The following ABCB5 variants were observed in gnomAD, a reference collection of about 807,000 sequenced individuals.
ABCB5 encodes the protein ATP-binding cassette sub-family B member 5.
A neutral mutation model predicts 144.2 loss-of-function variants in ABCB5; 155 were observed. That is an observed-to-expected ratio of 1.08 (90% CI 0.94 to 1.23). The LOEUF (loss-of-function observed/expected upper bound fraction) is 1.23, where lower values mean the gene tolerates loss of function less well. Ranked by LOEUF, ABCB5 falls within the 50% of genes most tolerant of loss-of-function variation. ABCB5 has a pLI of 0.00. For missense variants in ABCB5, 1,830 were observed against 1,520.8 expected (o/e 1.20, Z -3.38); for synonymous variants, 610 against 528.6 (o/e 1.15, Z -2.11).
At chr7:20,669,944 T>G (rs1269229657) in intron 14 of ABCB5, among the ~76,000 whole-genome samples, 1 of 152,136 alleles carries the variant, frequency 6.6e-6, no homozygotes, top group Non-Finnish European at 1.5e-5. Flanking sequence ...AGAATAGAAT[T>G]CAAACTTGAA....
At chr7:20,668,985 G>GT (rs1785348235) in intron 14 of ABCB5, among the ~76,000 whole-genome samples, 1 of 51,908 alleles carries the variant, frequency 1.9e-5, no homozygotes, top group Non-Finnish European at 4.2e-5. Context: ...GGGGGGGTCA[G>GT]CCCCCCGCCC....
intron 20 of ABCB5, among the ~76,000 whole-genome samples, chr7:20,719,102 G>A (rs1186137128): frequency 6.6e-6 from 1 of 152,130 alleles, no homozygotes; most frequent in Admixed American, 6.6e-5. Flanking sequence ...ATGTGTATAA[G>A]TATTTATGTC....
intron 13 of ABCB5, among the ~76,000 whole-genome samples, chr7:20,657,830 A>T (rs763966054): frequency 5.9e-5 from 9 of 152,240 alleles, no homozygotes; most frequent in Non-Finnish European, 1.0e-4. Flanking sequence ...TTAAGGGTTT[A>T]GAAAGAATAT....
chr7:20,703,810 T>G (rs1425770842), intron 19 of ABCB5, among the ~76,000 whole-genome samples: 1 of 152,196 alleles, frequency 6.6e-6, no homozygotes, highest in East Asian at 1.9e-4. Context: ...ATAAAATTGG[T>G]TATTACATTA....
Position 20,651,552 on chromosome 7 carries a change from G to C in ABCB5, c.1465G>C (p.Val489Leu), listed in dbSNP as rs1784589461. The C allele has an allele frequency of 1.9e-6, 3 of 1,614,114 alleles. No individual in the cohort carries two copies. The highest frequency in any genetic ancestry group is 3.3e-5 in the Admixed American group (2 of 60,012). Residue 489 changes from valine (V) to leucine (L), a missense_variant, in exon 13 of 28, where the codon GTG becomes CTG. Coordinates refer to ENST00000404938, the MANE Select transcript of ABCB5 (RefSeq NM_001163941.2). ...CAATATCAAGTATGGACGAGATGAT[G>C]TGACTGATGAAGAGATGGAGAGAGC... ...SNNIKYGRDD[V>L]TDEEMERAAR...
intron 20 of ABCB5, among the ~76,000 whole-genome samples, chr7:20,714,478 C>T (rs1165767770): frequency 1.3e-5 from 2 of 151,952 alleles, no homozygotes; most frequent in Non-Finnish European, 2.9e-5. Flanking sequence ...GACCACATTC[C>T]GTTTTCCTTC....
chr7:20,672,349 A>G (rs1421183065), intron 14 of ABCB5, among the ~76,000 whole-genome samples: 1 of 151,698 alleles, frequency 6.6e-6, no homozygotes, highest in African/African-American at 2.4e-5. Flanking sequence ...TCTTTTACAA[A>G]TCAAGGTTTT....
At chr7:20,617,824 T>A (rs1355176885) in intron 1 of ABCB5, among the ~76,000 whole-genome samples, 1 of 152,206 alleles carries the variant, frequency 6.6e-6, no homozygotes, top group African/African-American at 2.4e-5. Flanking sequence ...TATAGTAATA[T>A]CCAGACAAGT....
intron 14 of ABCB5, among the ~76,000 whole-genome samples, chr7:20,662,275 C>T (rs1467033283): frequency 6.6e-6 from 1 of 152,188 alleles, no homozygotes; most frequent in South Asian, 2.1e-4. Flanking sequence ...CTCACGGGCA[C>T]GTCTTAACCA....
chr7:20,722,177 T>C (rs1187779611), intron 20 of ABCB5, among the ~76,000 whole-genome samples: 1 of 152,238 alleles, frequency 6.6e-6, no homozygotes, highest in East Asian at 1.9e-4. Context: ...ACCAAGAACT[T>C]ATCTGTAAGT....
intron 14 of ABCB5, among the ~76,000 whole-genome samples, chr7:20,666,176 A>AG (rs1484795659): frequency 6.6e-6 from 1 of 151,878 alleles, no homozygotes; most frequent in East Asian, 1.9e-4. Context: ...GTCTCAAAAA[A>AG]AAAAAAAAAA....
intron 14 of ABCB5, chr7:20,667,510 G>C: frequency 2.0e-6 from 2 of 979,970 alleles, no homozygotes; most frequent in South Asian, 9.5e-5. Context: ...AGACTGTGAC[G>C]TGTTAATGCT....
chr7:20,712,637 T>G (rs1392585531), intron 20 of ABCB5, among the ~76,000 whole-genome samples: 1 of 149,630 alleles, frequency 6.7e-6, no homozygotes, highest in Admixed American at 6.7e-5. Context: ...ATATTTAATC[T>G]GCTATTGATC....
chr7:20,632,926 G>C (rs1165201351), intron 5 of ABCB5, among the ~76,000 whole-genome samples: 3 of 151,488 alleles, frequency 2.0e-5, no homozygotes, highest in Non-Finnish European at 4.4e-5. Flanking sequence ...ACGAGTTAGT[G>C]GGTGCAGCGC....
At chr7:20,681,202 C>T (rs1436892140) in intron 14 of ABCB5, among the ~76,000 whole-genome samples, 2 of 151,706 alleles carry the variant, frequency 1.3e-5, no homozygotes, top group African/African-American at 4.9e-5. Context: ...CCTTGGCTCA[C>T]TGCAACCTCT....
chr7:20,718,565 T>C (rs1781762749), intron 20 of ABCB5, among the ~76,000 whole-genome samples: 2 of 152,132 alleles, frequency 1.3e-5, no homozygotes, highest in Non-Finnish European at 2.9e-5. Context: ...CCAGATACAG[T>C]CTTGAAACTG....
chr7:20,711,199 A>T (rs1415127734), intron 20 of ABCB5, among the ~76,000 whole-genome samples: 1 of 149,710 alleles, frequency 6.7e-6, no homozygotes, highest in East Asian at 2.0e-4. Context: ...TTTTAAATAA[A>T]TATGTAAAGT....
At chr7:20,729,091 C>A (rs1039643049) in intron 23 of ABCB5, among the ~76,000 whole-genome samples, 3 of 151,954 alleles carry the variant, frequency 2.0e-5, no homozygotes, top group African/African-American at 7.3e-5. Flanking sequence ...TTATGGGGTA[C>A]AATGGGATGT....
intron 13 of ABCB5, among the ~76,000 whole-genome samples, chr7:20,656,473 A>T (rs1031102283): frequency 5.3e-5 from 8 of 152,252 alleles, no homozygotes; most frequent in Non-Finnish European, 1.2e-4. Context: ...GACATTTTAC[A>T]AAAGAAGAAT....
Sources: allele counts gnomAD v4.1 joint callset (sites outside exome capture counted in the v4.1 genomes callset), GRCh38; gene constraint gnomAD v4.1.1; transcripts MANE v1.5; gene names NCBI Gene and HGNC (gene_info 2026-07-23, HGNC 2026-07-21).